DLG2: variants seen among roughly 807,000 people sequenced by gnomAD.
DLG2 encodes disks large homolog 2.
Under a neutral mutation model 132.5 loss-of-function variants are expected in DLG2, and 45 were observed. The ratio of observed to expected loss-of-function variants is 0.34; its 90% CI spans 0.27 to 0.44. The LOEUF (loss-of-function observed/expected upper bound fraction) is 0.44, where lower values mean the gene tolerates loss of function less well. DLG2 is among the 20% of genes least tolerant of loss of function. The pLI, the probability that DLG2 is intolerant of heterozygous loss-of-function variation, is 1.00. For synonymous variants in DLG2, 424 were observed against 419.6 expected (o/e 1.01, Z -0.13); for missense variants, 1,045 against 1,196.9 (o/e 0.87, Z 1.87).
chr11:83,937,631 A>G (rs1180077634), intron 14 of DLG2, among the ~76,000 whole-genome samples: 7 of 152,306 alleles, frequency 4.6e-5, no homozygotes, highest in Admixed American at 6.5e-5. Context: ...CTACAACTCA[A>G]TAAGAAATGC....
intron 8 of DLG2, among the ~76,000 whole-genome samples, chr11:84,197,322 G>C (rs776784511): frequency 7.9e-5 from 12 of 152,046 alleles, no homozygotes; most frequent in Non-Finnish European, 1.5e-4. Flanking sequence ...TGATGTGTGA[G>C]GTGATCTATA....
chr11:84,735,549 T>C (rs2063721457), intron 6 of DLG2, among the ~76,000 whole-genome samples: 1 of 152,194 alleles, frequency 6.6e-6, no homozygotes, highest in Admixed American at 6.5e-5. Flanking sequence ...TTAGTCTTAC[T>C]AGCGGTCTTA....
At chr11:84,891,657 G>A (rs1406993813) in intron 6 of DLG2, among the ~76,000 whole-genome samples, 2 of 152,106 alleles carry the variant, frequency 1.3e-5, no homozygotes, top group Non-Finnish European at 2.9e-5. Context: ...AAAGGCAGAG[G>A]AAATCATCTT....
At chr11:83,976,744 TA>T (rs934531788) in intron 12 of DLG2, among the ~76,000 whole-genome samples, 1 of 151,740 alleles carries the variant, frequency 6.6e-6, no homozygotes, top group Non-Finnish European at 1.5e-5. Flanking sequence ...GAAGTTTCTT[TA>T]AAAAAAACTA....
At chr11:85,334,656 G>T (rs1232294324) in intron 3 of DLG2, among the ~76,000 whole-genome samples, 1 of 151,934 alleles carries the variant, frequency 6.6e-6, no homozygotes, top group Non-Finnish European at 1.5e-5. Context: ...AGAATTGTTT[G>T]ATTTCTGCCT....
At chr11:83,929,828 C>T (rs2079809177) in intron 15 of DLG2, among the ~76,000 whole-genome samples, 1 of 152,026 alleles carries the variant, frequency 6.6e-6, no homozygotes, top group Non-Finnish European at 1.5e-5. Flanking sequence ...TAGTTTTGGA[C>T]AAGTTGCTTA....
intron 3 of DLG2, among the ~76,000 whole-genome samples, chr11:85,402,913 C>T (rs1172272592): frequency 6.6e-6 from 1 of 152,098 alleles, no homozygotes; most frequent in Non-Finnish European, 1.5e-5. Flanking sequence ...ATTAGTTCAA[C>T]CATTGTGGAA....
chr11:85,347,200 T>A (rs745918885), intron 3 of DLG2, among the ~76,000 whole-genome samples: 1 of 152,086 alleles, frequency 6.6e-6, no homozygotes, highest in Non-Finnish European at 1.5e-5. Flanking sequence ...TGAGTGCTTT[T>A]GAAAACCGAA....
At chr11:85,531,258 G>C (rs2075189237) in intron 3 of DLG2, among the ~76,000 whole-genome samples, 1 of 152,172 alleles carries the variant, frequency 6.6e-6, no homozygotes, top group South Asian at 2.1e-4. Flanking sequence ...AAATAAGCTT[G>C]CTGTTGGAGA....
chr11:83,520,368 T>C (rs547652666), intron 21 of DLG2, among the ~76,000 whole-genome samples: 1 of 152,322 alleles, frequency 6.6e-6, no homozygotes, highest in Admixed American at 6.5e-5. Flanking sequence ...AGCTTCCCCA[T>C]TGTTGCCTAT....
intron 3 of DLG2, among the ~76,000 whole-genome samples, chr11:85,457,242 C>T (rs1005905933): frequency 1.3e-4 from 19 of 149,914 alleles, no homozygotes; most frequent in African/African-American, 3.0e-4. Context: ...GAAATTAGGA[C>T]GTCAACCCCT....
intron 16 of DLG2, among the ~76,000 whole-genome samples, chr11:83,834,628 A>G (rs1007843531): frequency 5.9e-5 from 9 of 152,192 alleles, no homozygotes; most frequent in African/African-American, 1.9e-4. Context: ...GATGTTCTGA[A>G]GCAGCTGGAG....
chr11:85,457,110 G>A (rs1353459417), intron 3 of DLG2, among the ~76,000 whole-genome samples: 2 of 151,918 alleles, frequency 1.3e-5, no homozygotes, highest in Non-Finnish European at 2.9e-5. Flanking sequence ...CCTGTGTTAG[G>A]TGCATATATA....
At chr11:83,713,617 T>C (rs2085997975) in intron 18 of DLG2, among the ~76,000 whole-genome samples, 1 of 152,178 alleles carries the variant, frequency 6.6e-6, no homozygotes, top group African/African-American at 2.4e-5. Flanking sequence ...GGAATATATT[T>C]CCAGAAGATA....
chr11:84,690,663 A>G lies in DLG2; in HGVS notation c.358-155932T>C, dbSNP rs373575544. The stretch of plus-strand genomic sequence containing the variant: ...CAGCCACAGTGGTAACAGATACTTA[A>G]TATTCATCATCTCATTTAATCCTTA... On this transcript the variant is annotated intron_variant, in intron 6 of 27. Coordinates refer to ENST00000376104, the MANE Select transcript of DLG2 (RefSeq NM_001142699.3). 5.1e-4 allele frequency among the ~76,000 whole-genome samples: 78 copies of G among 152,034 alleles called. No homozygotes were observed. The East Asian group carries it at 7.6e-3, about 15-fold the overall frequency.
intron 15 of DLG2, among the ~76,000 whole-genome samples, chr11:83,878,868 C>G (rs17146314): frequency 6.6e-6 from 1 of 152,092 alleles, no homozygotes; most frequent in Non-Finnish European, 1.5e-5. Flanking sequence ...CTAAATTGGG[C>G]AACTGTGGAG....
At chr11:84,573,031 T>A (rs1358709423) in intron 6 of DLG2, among the ~76,000 whole-genome samples, 1 of 152,180 alleles carries the variant, frequency 6.6e-6, no homozygotes, top group Non-Finnish European at 1.5e-5. Flanking sequence ...ACTCTTTAGC[T>A]TACAAATACA....
intron 7 of DLG2, among the ~76,000 whole-genome samples, chr11:84,383,575 C>A (rs573741259): frequency 6.6e-6 from 1 of 152,170 alleles, no homozygotes; most frequent in East Asian, 1.9e-4. Context: ...GAAGCAACAG[C>A]CATGTTGTGA....
chr11:85,217,318 T>TCTCACA (rs370686252), intron 4 of DLG2, among the ~76,000 whole-genome samples: 78 of 144,036 alleles, frequency 5.4e-4, no homozygotes, highest in African/African-American at 1.6e-3. Context: ...TCTCTCTCTC[T>TCTCACA]CACACACACA....
Sources: gnomAD v4.1 joint callset for allele counts (sites outside exome capture counted in the v4.1 genomes callset) on GRCh38, gnomAD v4.1.1 for gene constraint, MANE v1.5 for transcripts, NCBI Gene and HGNC (gene_info 2026-07-23, HGNC 2026-07-21) for gene names.